Variants in ZNF536 observed in about 807,000 individuals in gnomAD.
The protein encoded by ZNF536 is zinc finger protein 536.
ZNF536 carries 13 observed loss-of-function variants against 84.5 expected under a neutral mutation model. The observed-to-expected ratio is 0.15, with a 90% CI of 0.10 to 0.24. The LOEUF (loss-of-function observed/expected upper bound fraction) is 0.24, where lower values mean the gene tolerates loss of function less well. Ranked by LOEUF, ZNF536 falls within the 10% of genes least tolerant of loss-of-function variation. ZNF536 has a pLI of 1.00. For synonymous variants in ZNF536, 811 were observed against 742.5 expected, an observed-to-expected ratio of 1.09 and a Z score of -1.50; for missense variants, 1,536 against 1,747.5, an observed-to-expected ratio of 0.88 and a Z score of 2.16.
chr19:30,484,496 A>G (rs1290896016), intron 2 of ZNF536, among the ~76,000 whole-genome samples: 1 of 145,708 alleles, frequency 6.9e-6, no homozygotes, highest in Non-Finnish European at 1.5e-5. Flanking sequence ...TTGGCCTCCC[A>G]AAGTGTTGGG....
chr19:30,588,668 C>T (rs1360895368), intron 1 of ZNF536, among the ~76,000 whole-genome samples: 1 of 152,160 alleles, frequency 6.6e-6, no homozygotes, highest in Non-Finnish European at 1.5e-5. Flanking sequence ...CAGTTTTTAA[C>T]CCAGAGAGAG....
chr19:30,625,802 G>A (rs1388582243), intron 1 of ZNF536, among the ~76,000 whole-genome samples: 2 of 152,204 alleles, frequency 1.3e-5, no homozygotes, highest in African/African-American at 4.8e-5. Flanking sequence ...CTGTGTTGGT[G>A]AATGACATGC....
chr19:30,682,775 A>T (rs1783270475), intron 1 of ZNF536, among the ~76,000 whole-genome samples: 1 of 151,872 alleles, frequency 6.6e-6, no homozygotes, highest in Non-Finnish European at 1.5e-5. Flanking sequence ...TCCAGGCAGC[A>T]CCTCTGGCCC....
intron 1 of ZNF536, among the ~76,000 whole-genome samples, chr19:30,250,588 T>C (rs972924756): frequency 1.3e-5 from 2 of 152,166 alleles, no homozygotes; most frequent in African/African-American, 4.8e-5. Context: ...AGCAGGACCT[T>C]GCTAGGGCTG....
chr19:30,508,948 C>T (rs2055292259), intron 2 of ZNF536, among the ~76,000 whole-genome samples: 1 of 150,076 alleles, frequency 6.7e-6, no homozygotes, highest in African/African-American at 2.4e-5. Flanking sequence ...CCACCTTAAC[C>T]TCCCAAGTAT....
chr19:30,528,488 T>C (rs1235346426), intron 2 of ZNF536, among the ~76,000 whole-genome samples: 1 of 152,186 alleles, frequency 6.6e-6, no homozygotes, highest in African/African-American at 2.4e-5. Context: ...GGATTGACTC[T>C]TCTTAGTCAA....
intron 1 of ZNF536, among the ~76,000 whole-genome samples, chr19:30,590,566 T>A (rs2047243000): frequency 6.6e-6 from 1 of 152,216 alleles, no homozygotes; most frequent in Non-Finnish European, 1.5e-5. Flanking sequence ...AACCTCTTTT[T>A]TCTCTGTGTG....
chr19:30,339,795 C>T lies in ZNF536; in HGVS notation c.-119-12573C>T, dbSNP rs544142241. Among the ~76,000 whole-genome samples, 16 of 152,300 alleles carry T rather than the reference C, an allele frequency of 1.1e-4. No individual in the cohort carries two copies. The South Asian group carries it at 2.5e-3, about 24-fold the overall frequency. ...GGCCAGCAGCCACGTTCTGAGCAGG[C>T]AGGTGCTGTGGCTGCGTGGTTGCTG... On this transcript the variant is annotated intron_variant, in intron 2 of 5. Transcript: ENST00000585628.
intron 3 of ZNF536, among the ~76,000 whole-genome samples, chr19:30,363,596 A>G (rs1293608413): frequency 2.0e-5 from 3 of 152,128 alleles, no homozygotes; most frequent in African/African-American, 7.2e-5. Context: ...AGTAGAACAC[A>G]ACCAGTGCCA....
Position 30,620,551 on chromosome 19 carries a change from C to T in ZNF536, c.169+71037C>T, listed in dbSNP as rs558489259. ...CTCCTGCCATCCAGGGGTCTGTGGG[C>T]ACCCTCCCTCCTCTGAGACGGCCTC... is the stretch of plus-strand genomic sequence containing the variant. On this transcript the variant is annotated intron_variant, in intron 1 of 1. Transcript: ENST00000592773. 7.9e-5 allele frequency among the ~76,000 whole-genome samples: 12 copies of T among 152,248 alleles called. No individual in the cohort carries two copies. In the East Asian group the frequency reaches 2.3e-3, roughly 29 times the overall value.
chr19:30,529,422 G>C (rs1762348359), intron 2 of ZNF536, among the ~76,000 whole-genome samples: 1 of 152,106 alleles, frequency 6.6e-6, no homozygotes, highest in African/African-American at 2.4e-5. Flanking sequence ...CCGTTTCTTT[G>C]TCTAACTGGT....
At chr19:30,659,867 A>G (rs752089128) in intron 1 of ZNF536, among the ~76,000 whole-genome samples, 14 of 151,814 alleles carry the variant, frequency 9.2e-5, no homozygotes, top group Admixed American at 1.3e-4. Context: ...TGTGCAAAGT[A>G]TGGCCTATAG....
intron 1 of ZNF536, among the ~76,000 whole-genome samples, chr19:30,583,017 C>A (rs890052500): frequency 6.6e-6 from 1 of 152,170 alleles, no homozygotes; most frequent in African/African-American, 2.4e-5. Context: ...CCTAACTCAG[C>A]CTCCCAAAGT....
intron 2 of ZNF536, among the ~76,000 whole-genome samples, chr19:30,324,414 G>A (rs1032016635): frequency 3.3e-5 from 5 of 152,080 alleles, no homozygotes; most frequent in African/African-American, 9.7e-5. Flanking sequence ...GTAGGATCTC[G>A]CTCTGTTGCC....
chr19:30,490,204 G>C (rs181234353), intron 2 of ZNF536, among the ~76,000 whole-genome samples: 1 of 152,144 alleles, frequency 6.6e-6, no homozygotes, highest in Non-Finnish European at 1.5e-5. Flanking sequence ...CCAGAAAACA[G>C]TTTTGTTGTT....
In ZNF536 at chr19:30,228,766, C is replaced by T. The variant is rs2022779373; in HGVS notation, c.-190+93C>T. ...GAGCTGCGCGCCGCCCCGGGCCGGC[C>T]TCGCGTGTGGGCGGCTGGGCGGCTG... On this transcript the variant is annotated intron_variant, in intron 1 of 5. Coordinates refer to the ZNF536 transcript ENST00000585628. This position sits in a 1 kb window ranked among gnomAD's most constrained non-coding sequence, Gnocchi z 4.5. 6.6e-6 allele frequency: 1 copy of T among 150,822 alleles called. No homozygotes were observed. Among genetic ancestry groups the T allele is most frequent in the Non-Finnish European group, 1.5e-5 (1 of 67,762 alleles). The allele number at this position is 150,822 out of a possible 1,614,324, so 9.3% of individuals were successfully genotyped here.
chr19:30,676,578 AT>A (rs1408164741), intron 1 of ZNF536, among the ~76,000 whole-genome samples: 1 of 152,242 alleles, frequency 6.6e-6, no homozygotes, highest in African/African-American at 2.4e-5. Context: ...TAGATTTTAA[AT>A]CATTTTTACA....
At chr19:30,618,805 T>C (rs549602446) in intron 1 of ZNF536, among the ~76,000 whole-genome samples, 6 of 152,254 alleles carry the variant, frequency 3.9e-5, no homozygotes, top group Admixed American at 6.5e-5. Context: ...TCTTTTTTTT[T>C]CCTTGAAATC....
chr19:30,628,352 C>G (rs1301478575), intron 1 of ZNF536, among the ~76,000 whole-genome samples: 1 of 152,158 alleles, frequency 6.6e-6, no homozygotes, highest in Admixed American at 6.5e-5. Context: ...TGCTTTCCAA[C>G]AGACATACAG....
Sources: gnomAD v4.1 joint callset for allele counts (sites outside exome capture counted in the v4.1 genomes callset) on GRCh38, gnomAD v4.1.1 for gene constraint, Gnocchi (gnomAD v3.1) non-coding constraint, MANE v1.5 for transcripts, NCBI Gene and HGNC (gene_info 2026-07-23, HGNC 2026-07-21) for gene names.